Variants in NELL1 observed in about 807,000 individuals in gnomAD.
NELL1 encodes the protein protein kinase C-binding protein NELL1.
In NELL1, 76 loss-of-function variants were observed where a neutral mutation model predicts 107.4. The ratio of observed to expected loss-of-function variants is 0.71; its 90% CI spans 0.59 to 0.86. The LOEUF (loss-of-function observed/expected upper bound fraction) is 0.86. Among genes scored for constraint, NELL1 ranks in the 40% least tolerant of loss-of-function variants. The pLI is 0.00. For missense variants in NELL1, 1,024 were observed against 1,005.5 expected, an observed-to-expected ratio of 1.02 and a Z score of -0.25; for synonymous variants, 353 against 341.2, an observed-to-expected ratio of 1.03 and a Z score of -0.38.
At chr11:21,088,263 G>A (rs1026989851) in intron 12 of NELL1, among the ~76,000 whole-genome samples, 2 of 152,102 alleles carry the variant, frequency 1.3e-5, no homozygotes, top group Non-Finnish European at 2.9e-5. Context: ...AATAATAATC[G>A]TGATAGAAGT....
intron 1 of NELL1, among the ~76,000 whole-genome samples, chr11:20,673,669 G>A (rs965324004): frequency 1.7e-4 from 26 of 152,198 alleles, no homozygotes; most frequent in Admixed American, 1.6e-3. Context: ...ACATTGACAT[G>A]CTGCCTTCCA....
intron 3 of NELL1, among the ~76,000 whole-genome samples, chr11:20,825,812 A>T (rs1857869088): frequency 6.6e-6 from 1 of 151,168 alleles, no homozygotes; most frequent in African/African-American, 2.4e-5. Context: ...TGTGTTTTGA[A>T]ATGTGAGAAA....
chr11:21,197,945 G>A (rs1857189970), intron 13 of NELL1, among the ~76,000 whole-genome samples: 1 of 152,216 alleles, frequency 6.6e-6, no homozygotes, highest in African/African-American at 2.4e-5. Flanking sequence ...TCAAACAACC[G>A]CCATTTTACT....
chr11:20,697,409 T>C (rs1854649382), intron 2 of NELL1, among the ~76,000 whole-genome samples: 1 of 130,056 alleles, frequency 7.7e-6, no homozygotes, highest in African/African-American at 3.0e-5. Context: ...TTTTTTTTTT[T>C]TTCCTGCCAG....
At chr11:21,484,551 C>T (rs12222152) in intron 15 of NELL1, among the ~76,000 whole-genome samples, 5 of 151,610 alleles carry the variant, frequency 3.3e-5, no homozygotes, top group Middle Eastern at 3.5e-3. Context: ...TATATGTAGG[C>T]TTGTGTTTAT....
chr11:21,177,894 T>C (rs1856746148), intron 13 of NELL1, among the ~76,000 whole-genome samples: 2 of 151,900 alleles, frequency 1.3e-5, no homozygotes, highest in South Asian at 4.1e-4. Flanking sequence ...AAAATGTATC[T>C]CTTGGCCATT....
intron 4 of NELL1, among the ~76,000 whole-genome samples, chr11:20,857,302 C>T (rs1848900804): frequency 6.6e-6 from 1 of 152,172 alleles, no homozygotes; most frequent in African/African-American, 2.4e-5. Flanking sequence ...TTTCACCTGC[C>T]TATAGCCCCC....
At chr11:21,119,897 G>A (rs1174218389) in intron 13 of NELL1, among the ~76,000 whole-genome samples, 3 of 151,978 alleles carry the variant, frequency 2.0e-5, no homozygotes, top group Non-Finnish European at 2.9e-5. Context: ...CATTAGATAC[G>A]CAGGCAGTTT....
intron 15 of NELL1, among the ~76,000 whole-genome samples, chr11:21,409,987 A>G (rs73473054): frequency 0.016 from 2,387 of 152,192 alleles, 63 homozygotes; most frequent in African/African-American, 0.052. Flanking sequence ...ATATTGTTTC[A>G]TTAAGATTTT....
intron 2 of NELL1, among the ~76,000 whole-genome samples, chr11:20,738,497 G>A (rs1008718189): frequency 1.3e-5 from 2 of 152,142 alleles, no homozygotes; most frequent in African/African-American, 2.4e-5. Flanking sequence ...GAGCTACTGT[G>A]GATCAAAATC....
At chr11:21,564,823 CT>C (rs1856933065) in intron 17 of NELL1, among the ~76,000 whole-genome samples, 1 of 151,820 alleles carries the variant, frequency 6.6e-6, no homozygotes, top group Non-Finnish European at 1.5e-5. Context: ...TGAAGAAGAC[CT>C]TTTTCATGAG....
chr11:21,276,742 C>T (rs1055703566), intron 14 of NELL1, among the ~76,000 whole-genome samples: 7 of 152,118 alleles, frequency 4.6e-5, no homozygotes, highest in Non-Finnish European at 1.0e-4. Flanking sequence ...GAAATAATGC[C>T]ACATATCTAC....
chr11:20,880,018 A>AT (rs142554557), intron 4 of NELL1, among the ~76,000 whole-genome samples: 9 of 151,718 alleles, frequency 5.9e-5, no homozygotes, highest in African/African-American at 1.9e-4. Flanking sequence ...ACAGAAATGA[A>AT]TTTTTTTTTC....
rs1262322493 is a variant in NELL1, at chr11:21,311,056, ATCTGT to A, written c.1550-59796_1550-59792del. On this transcript the variant is annotated intron_variant, in intron 14 of 19. Coordinates refer to ENST00000357134, the MANE Select transcript of NELL1 (RefSeq NM_006157.5). ...TTAATCTGTGCGTTTCAGTAACAAA[ATCTGT>A]AGCTTTACTGGCTTCTCATAGTGTT... 2.6e-5 allele frequency among the ~76,000 whole-genome samples: 4 copies of A among 152,244 alleles called. No individual in the cohort carries two copies. The South Asian group carries it at 8.3e-4, about 32-fold the overall frequency.
At chr11:20,834,358 G>T (rs769373463) in intron 3 of NELL1, among the ~76,000 whole-genome samples, 15 of 152,152 alleles carry the variant, frequency 9.9e-5, no homozygotes, top group Non-Finnish European at 2.1e-4. Flanking sequence ...TTTGGGGAAA[G>T]AATTAGGAGT....
intron 2 of NELL1, among the ~76,000 whole-genome samples, chr11:20,700,040 G>C (rs1443310241): frequency 2.4e-5 from 1 of 41,398 alleles, no homozygotes. Flanking sequence ...TAGGGACGTA[G>C]AACTTTTTTT....
intron 13 of NELL1, among the ~76,000 whole-genome samples, chr11:21,209,686 A>G (rs929777515): frequency 3.3e-5 from 5 of 152,166 alleles, no homozygotes; most frequent in Non-Finnish European, 7.4e-5. Flanking sequence ...CACAGCAATT[A>G]TCATAATCTG....
rs148830157 is a variant in NELL1 at position 20,699,246 on chromosome 11, A to C, written c.184+21186A>C. 5.1e-4 allele frequency among the ~76,000 whole-genome samples: 77 copies of C among 152,164 alleles called. 1 individual carries two copies. In the East Asian group the frequency reaches 0.014, roughly 27 times the overall value. ...ACAAACAAAAAAAACAAAACAAACAAAAAAGAATAACGGTCTCCAACTCCA... is the reference window on the plus strand; with the variant it reads ...ACAAACAAAAAAAACAAAACAAACACAAAAGAATAACGGTCTCCAACTCCA... On this transcript the variant is annotated intron_variant, in intron 2 of 19. Transcript: ENST00000357134.
chr11:21,436,677 G>T (rs1853131657), intron 15 of NELL1, among the ~76,000 whole-genome samples: 1 of 151,708 alleles, frequency 6.6e-6, no homozygotes, highest in Non-Finnish European at 1.5e-5. Context: ...TACCTATTTT[G>T]GGTCAGATTT....
Sources: allele counts gnomAD v4.1 joint callset (sites outside exome capture counted in the v4.1 genomes callset), GRCh38; gene constraint gnomAD v4.1.1; transcripts MANE v1.5; gene names NCBI Gene and HGNC (gene_info 2026-07-23, HGNC 2026-07-21).